Variants in AFDN observed in about 807,000 individuals in gnomAD.
The protein encoded by AFDN is afadin, adherens junction formation factor, also known as afadin.
A neutral mutation model predicts 216.6 loss-of-function variants in AFDN; 68 were observed. The observed-to-expected ratio is 0.31, with a 90% CI of 0.26 to 0.38. The LOEUF (loss-of-function observed/expected upper bound fraction) is 0.38, where lower values mean the gene tolerates loss of function less well. Ranked by LOEUF, AFDN falls within the 10% of genes least tolerant of loss-of-function variation. AFDN has a pLI of 1.00. For missense variants in AFDN, 2,136 were observed against 2,342.0 expected (o/e 0.91, Z 1.82); for synonymous variants, 868 against 853.7 (o/e 1.02, Z -0.29).
In AFDN at chr6:167,965,971, C is replaced by T. The variant is rs773844623; in HGVS notation, c.5183C>T (p.Ser1728Phe). 125 of 1,550,554 alleles carry T rather than the reference C, an allele frequency of 8.1e-5. No individual in the cohort carries two copies. Among genetic ancestry groups the T allele is most frequent in the Non-Finnish European group, 1.0e-4 (118 of 1,146,732 alleles). ...NASYLKTQVL[S>F]PDSLFTAKFV... is the part of the protein sequence containing the mutation. ...TCCTACCTCAAAACACAGGTCCTCT[C>T]CCCCGACTCGCTGTTCACTGCCAAG... The change falls in exon 32 of 34, where the codon TCC (serine) becomes TTC (phenylalanine). Residue 1728 changes from serine (S) to phenylalanine (F), a missense_variant. Coordinates refer to ENST00000683244, the MANE Select transcript of AFDN (RefSeq NM_001386888.1).
intron 30 of AFDN, chr6:167,952,585 T>A (rs9295030): frequency 0.44 from 354,908 of 805,792 alleles, 78,486 homozygotes; most frequent in East Asian, 0.81. Flanking sequence ...GGCCACGGGG[T>A]CTCTGGCAAC....
intron 11 of AFDN, among the ~76,000 whole-genome samples, chr6:167,902,092 C>CAA (rs35449284): frequency 1.8e-4 from 15 of 82,112 alleles, no homozygotes; most frequent in East Asian, 3.1e-4. Context: ...GACTTCATCT[C>CAA]AAAAAAAAAA....
intron 26 of AFDN, among the ~76,000 whole-genome samples, chr6:167,945,211 A>G (rs934199464): frequency 6.6e-6 from 1 of 151,772 alleles, no homozygotes; most frequent in African/African-American, 2.4e-5. Context: ...AATCTCGTAC[A>G]TAAGCACACA....
rs760913327 is a variant in AFDN, at chr6:167,831,381, T to C, written c.105+4144T>C. Reference sequence around the variant, plus strand: ...TTTATTTTTGATAAGTTGAATCTCATTGGTGGTTATAACCTTTTAAAAATC... The same window carrying C: ...TTTATTTTTGATAAGTTGAATCTCACTGGTGGTTATAACCTTTTAAAAATC... On this transcript the variant is annotated intron_variant, in intron 1 of 33. Transcript: ENST00000683244. Among the ~76,000 whole-genome samples, 7 of 152,226 alleles carry C rather than the reference T, an allele frequency of 4.6e-5. No individual in the cohort carries two copies. In the South Asian group the frequency reaches 1.4e-3, roughly 31 times the overall value.
Position 167,914,744 on chromosome 6 carries a change from G to A in AFDN, c.2299+6G>A. ...TCTGCAACGACCAAAAATAGGTTAG[G>A]ATGTTTTCTGACTGTCTCCCTCTAT... On this transcript the variant is annotated splice_donor_region_variant and intron_variant, in intron 18 of 33. Transcript: ENST00000683244. 1 of 1,579,426 alleles carries A rather than the reference G, an allele frequency of 6.3e-7. No homozygotes were observed. Among genetic ancestry groups the A allele is most frequent in the Non-Finnish European group, 8.7e-7 (1 of 1,148,910 alleles).
chr6:167,913,516 CTGAA>C, intron 16 of AFDN, 93 bp downstream of exon 16: 2 of 1,192,180 alleles, frequency 1.7e-6, no homozygotes, highest in Non-Finnish European at 2.4e-6. Context: ...AACAGCTGGA[CTGAA>C]CAGCTCATAA....
chr6:167,925,907 G>T (rs1792465349), intron 23 of AFDN, among the ~76,000 whole-genome samples: 1 of 152,098 alleles, frequency 6.6e-6, no homozygotes, highest in South Asian at 2.1e-4. Context: ...CAACTTTGCT[G>T]ATATTTTGCT....
intron 29 of AFDN, among the ~76,000 whole-genome samples, chr6:167,950,267 A>G (rs1168191573): frequency 6.6e-6 from 1 of 152,218 alleles, no homozygotes; most frequent in African/African-American, 2.4e-5. Flanking sequence ...ATTCAGTAAC[A>G]GGGCAGGAAA....
intron 4 of AFDN, 122 bp from the exon 5 acceptor site, chr6:167,875,213 C>A: frequency 1.3e-6 from 1 of 798,334 alleles, no homozygotes; most frequent in Non-Finnish European, 2.0e-6. Flanking sequence ...ACGTAACAGA[C>A]CTCTTAGGTA....
chr6:167,874,275 C>T (rs538493237), intron 4 of AFDN, among the ~76,000 whole-genome samples: 2 of 152,214 alleles, frequency 1.3e-5, no homozygotes, highest in African/African-American at 4.8e-5. Context: ...TTATGACTCG[C>T]TCTATTTATC....
chr6:167,962,500 G>A lies in AFDN; in HGVS notation c.4901G>A (p.Arg1634Gln), dbSNP rs374571865. 7 of 1,613,816 alleles carry A rather than the reference G, an allele frequency of 4.3e-6. No homozygotes were observed. The highest frequency in any genetic ancestry group is 4.2e-6 in the Non-Finnish European group (5 of 1,179,748). The change falls in exon 31 of 34, where the codon CGA becomes CAA. Residue 1634 changes from arginine (R) to glutamine (Q), a missense_variant. This residue lies in a region of AFDN where 981 missense variants were observed against 966.0 expected (regional missense o/e 1.02). Transcript: ENST00000683244. The surrounding 1 kb of genome is among the most constrained non-coding windows in gnomAD (Gnocchi z 5.2). ...EEMRKREAED[R>Q]ARQEEERRRQ... is the part of the protein sequence containing the mutation. ...ATGCGCAAGCGGGAAGCGGAAGACC[G>A]AGCGAGGCAAGAGGAAGAGCGCCGG...
chr6:167,828,726 C>T (rs1164586934), intron 1 of AFDN, among the ~76,000 whole-genome samples: 1 of 149,426 alleles, frequency 6.7e-6, no homozygotes, highest in Non-Finnish European at 1.5e-5. Context: ...AAAAAGTTGA[C>T]CATAAAACAT....
At chr6:167,859,775 A>G (rs1041088553) in intron 1 of AFDN, among the ~76,000 whole-genome samples, 186 of 147,130 alleles carry the variant, frequency 1.3e-3, no homozygotes, top group Non-Finnish European at 2.2e-3. Flanking sequence ...TGGTTTTGTT[A>G]TTGTTGTTTT....
Position 167,864,693 on chromosome 6 carries a change from T to G in AFDN, c.248T>G (p.Met83Arg). ...ETLAEKFRPD[M>R]RMLSSPKYSL... Reference sequence around the variant, plus strand: ...CTCGCGGAGAAATTTCGACCTGATATGCGAATGCTGTCCTCTCCCAAGTAT... The same window carrying G: ...CTCGCGGAGAAATTTCGACCTGATAGGCGAATGCTGTCCTCTCCCAAGTAT... The change falls in exon 2 of 34, where the codon ATG becomes AGG. Residue 83 changes from methionine (M) to arginine (R), a missense_variant. Physicochemically the swap from Met to Arg is moderately conservative, Grantham distance 91 (BLOSUM62 -1). Around this residue, in one of 8 missense-constraint regions of AFDN, gnomAD observed 817 missense variants for 965.7 expected, o/e 0.85. Transcript: ENST00000683244. The G allele has an allele frequency of 6.2e-7, 1 of 1,614,218 alleles. No homozygotes were observed. The highest frequency in any genetic ancestry group is 8.5e-7 in the Non-Finnish European group (1 of 1,180,034).
At chr6:167,924,205 A>G (rs1028923116) in intron 22 of AFDN, among the ~76,000 whole-genome samples, 1 of 152,192 alleles carries the variant, frequency 6.6e-6, no homozygotes, top group Non-Finnish European at 1.5e-5. Flanking sequence ...ATGTATAATT[A>G]CCACCTCTTG....
At chr6:167,964,517 C>G (rs922705251) in intron 31 of AFDN, 5 of 1,065,398 alleles carry the variant, frequency 4.7e-6, no homozygotes, top group Non-Finnish European at 4.5e-6. Context: ...CAAGAAGATT[C>G]AATGAAAAAT....
chr6:167,872,083 C>T (rs909197248), intron 3 of AFDN, 131 bp from the exon 4 acceptor site: 4 of 831,266 alleles, frequency 4.8e-6, no homozygotes, highest in South Asian at 1.8e-5. Flanking sequence ...TCTCATTACT[C>T]CAGACCTTCC....
rs1480635142 is a variant in AFDN, at chr6:167,962,202, G to A, written c.4834-231G>A. Among the ~76,000 whole-genome samples, 1 of 152,214 alleles carries A rather than the reference G, an allele frequency of 6.6e-6. No homozygotes were observed. The highest frequency in any genetic ancestry group is 1.5e-5 in the Non-Finnish European group (1 of 68,042). ...CATCTTATAGCCATGATTAATGGAG[G>A]AATAACTGGGATTTGTGGCAACCGT... is the stretch of plus-strand genomic sequence containing the variant. On this transcript the variant is annotated intron_variant, in intron 30 of 33. Coordinates refer to ENST00000683244, the MANE Select transcript of AFDN (RefSeq NM_001386888.1). This position sits in a 1 kb window ranked among gnomAD's most constrained non-coding sequence, Gnocchi z 5.2.
At chr6:167,913,555 C>A in intron 16 of AFDN, 132 bp downstream of exon 16, 1 of 814,192 alleles carries the variant, frequency 1.2e-6, no homozygotes, top group Non-Finnish European at 2.0e-6. Context: ...CTGAGACATG[C>A]AGTACTAAAA....
Sources: gnomAD v4.1 joint callset for allele counts (sites outside exome capture counted in the v4.1 genomes callset) on GRCh38, gnomAD v4.1.1 for gene constraint, gnomAD v4.1.1 regional missense constraint, Gnocchi (gnomAD v3.1) non-coding constraint, MANE v1.5 for transcripts, NCBI Gene and HGNC (gene_info 2026-07-23, HGNC 2026-07-21) for gene names.